The following SLC48A1 variants were observed in gnomAD, a reference collection of about 807,000 sequenced individuals.
SLC48A1 encodes the protein heme transporter HRG1.
A neutral mutation model predicts 14.8 loss-of-function variants in SLC48A1; 6 were observed. That is an observed-to-expected ratio of 0.41 (90% CI 0.22 to 0.80). The LOEUF is 0.80. Among genes scored for constraint, SLC48A1 ranks in the 30% least tolerant of loss-of-function variants. SLC48A1 has a pLI of 0.34. For missense variants in SLC48A1, 165 were observed against 204.8 expected, an observed-to-expected ratio of 0.81 and a Z score of 1.19; for synonymous variants, 89 against 90.0, an observed-to-expected ratio of 0.99 and a Z score of 0.06.
At chr12:47,759,923 G>A (rs12818990) in intron 1 of SLC48A1, among the ~76,000 whole-genome samples, 1 of 127,342 alleles carries the variant, frequency 7.9e-6, no homozygotes, top group African/African-American at 2.8e-5. Context: ...TGCCAAGCCC[G>A]CATCCTCCAC....
At chr12:47,758,530 C>A, upstream of SLC48A1, 1 of 1,613,758 alleles carries the variant, frequency 6.2e-7, no homozygotes. Flanking sequence ...TCCTCCTCAA[C>A]CCTGACCCCA....
chr12:47,759,416 C>A (rs1942297671), intron 1 of SLC48A1, among the ~76,000 whole-genome samples: 1 of 113,660 alleles, frequency 8.8e-6, no homozygotes, highest in African/African-American at 3.4e-5. Flanking sequence ...CTGCCCCCTG[C>A]CCCAGCACAC....
intron 2 of SLC48A1, among the ~76,000 whole-genome samples, chr12:47,762,240 CT>C (rs1942397377): frequency 6.6e-6 from 1 of 152,110 alleles, no homozygotes. Flanking sequence ...GTGAAGGGGG[CT>C]TCTCAGACCA....
At chr12:47,758,189 G>A, upstream of SLC48A1, 1 of 1,447,588 alleles carries the variant, frequency 6.9e-7, no homozygotes, top group Non-Finnish European at 9.1e-7. Flanking sequence ...GGACTGGTCA[G>A]GCGGAGGTGC....
At chr12:47,776,704 C>T (rs1367033700) in intron 1 of SLC48A1, among the ~76,000 whole-genome samples, 2 of 152,140 alleles carry the variant, frequency 1.3e-5, no homozygotes, top group African/African-American at 4.8e-5. Flanking sequence ...CCCAAAACGC[C>T]CCCAAATGGC....
intron 2 of SLC48A1, among the ~76,000 whole-genome samples, chr12:47,765,117 T>TAAAAA (rs1942488224): frequency 3.2e-5 from 2 of 63,402 alleles, no homozygotes; most frequent in South Asian, 4.7e-4. Flanking sequence ...AAAAAAAAAT[T>TAAAAA]AGGGGAGGGT....
At chr12:47,771,642 GA>G, upstream of SLC48A1, 2 of 152,510 alleles carry the variant, frequency 1.3e-5, no homozygotes, top group Non-Finnish European at 1.5e-5. Context: ...CTAGAAGCTG[GA>G]AAAGGCGGCC....
At chr12:47,765,268 G>A (rs1942492185) in intron 2 of SLC48A1, among the ~76,000 whole-genome samples, 1 of 151,972 alleles carries the variant, frequency 6.6e-6, no homozygotes, top group South Asian at 2.1e-4. Flanking sequence ...GAAAAGTGGG[G>A]TCCAGAGAAG....
chr12:47,771,144 T>C, upstream of SLC48A1: 1 of 295,786 alleles, frequency 3.4e-6, no homozygotes, highest in Non-Finnish European at 6.8e-6. Flanking sequence ...TATTTTTTTA[T>C]TTTTAAAGAA....
At chr12:47,776,035 A>G (rs1374043004) in intron 1 of SLC48A1, among the ~76,000 whole-genome samples, 1 of 152,166 alleles carries the variant, frequency 6.6e-6, no homozygotes, top group East Asian at 1.9e-4. Context: ...AAACAGCTCT[A>G]TGTTTTTCCC....
intron 1 of SLC48A1, among the ~76,000 whole-genome samples, chr12:47,759,448 A>T (rs1942299307): frequency 1.5e-5 from 1 of 65,334 alleles, no homozygotes; most frequent in Admixed American, 1.3e-4. Context: ...GCAGTTGAGG[A>T]AACTGAGGCT....
At chr12:47,776,757 C>G (rs1942763427) in intron 1 of SLC48A1, among the ~76,000 whole-genome samples, 1 of 152,144 alleles carries the variant, frequency 6.6e-6, no homozygotes, top group Non-Finnish European at 1.5e-5. Flanking sequence ...TTGGTATGTG[C>G]ATGTACATGG....
chr12:47,760,522 G>A, intron 2 of SLC48A1: 1 of 467,502 alleles, frequency 2.1e-6, no homozygotes, highest in Non-Finnish European at 2.8e-6. Context: ...TCACAAAGGG[G>A]TCCCCTATTT....
At chr12:47,761,212 A>G (rs1942372648) in intron 2 of SLC48A1, among the ~76,000 whole-genome samples, 1 of 150,258 alleles carries the variant, frequency 6.7e-6, no homozygotes, top group African/African-American at 2.5e-5. Context: ...AAAAAAAAAA[A>G]GGCAGGGGGG....
chr12:47,769,243 A>G (rs1489509889), upstream of SLC48A1: 1 of 152,228 alleles, frequency 6.6e-6, no homozygotes, highest in Non-Finnish European at 1.5e-5. Context: ...AGACACACAA[A>G]TGTTGGTGTG....
chr12:47,757,796 A>C (rs1411053012), upstream of SLC48A1: 8 of 1,412,650 alleles, frequency 5.7e-6, no homozygotes, highest in Non-Finnish European at 6.7e-6. Context: ...GCAGCATGCC[A>C]AGCCATGATC....
upstream of SLC48A1, among the ~76,000 whole-genome samples, chr12:47,767,118 A>G (rs1174088695): frequency 6.9e-6 from 1 of 145,954 alleles, no homozygotes; most frequent in Non-Finnish European, 1.5e-5. Flanking sequence ...GAGGGAAGGA[A>G]TCTACCTCTG....
At chr12:47,761,022 C>A (rs558174658) in intron 2 of SLC48A1, among the ~76,000 whole-genome samples, 1 of 152,150 alleles carries the variant, frequency 6.6e-6, no homozygotes, top group Non-Finnish European at 1.5e-5. Flanking sequence ...CATGGTGAAA[C>A]CCTGTCTCTA....
At chr12:47,758,492 G>C, upstream of SLC48A1, 1 of 1,596,512 alleles carries the variant, frequency 6.3e-7, no homozygotes, top group South Asian at 1.1e-5. Flanking sequence ...TCCCCACCGT[G>C]TCAGCTTCCT....
Sources: allele counts gnomAD v4.1 joint callset (sites outside exome capture counted in the v4.1 genomes callset), GRCh38; gene constraint gnomAD v4.1.1; transcripts MANE v1.5; gene names NCBI Gene and HGNC (gene_info 2026-07-23, HGNC 2026-07-21).